GLI2: variants seen among roughly 807,000 people sequenced by gnomAD.
The protein encoded by GLI2 is GLI family zinc finger 2, also known as transcription activator GLI2.
In GLI2, 22 loss-of-function variants were observed where a neutral mutation model predicts 78.9. The observed-to-expected ratio is 0.28, with a 90% CI of 0.20 to 0.40. The LOEUF is 0.40. Ranked by LOEUF, GLI2 falls within the 10% of genes least tolerant of loss-of-function variation. The probability of loss-of-function intolerance (pLI) is 1.00; values close to 1 mark genes in which losing one functional copy is unlikely to be tolerated. For synonymous variants in GLI2, 974 were observed against 963.7 expected, an observed-to-expected ratio of 1.01 and a Z score of -0.20; for missense variants, 2,097 against 2,213.2, an observed-to-expected ratio of 0.95 and a Z score of 1.05.
chr2:120,826,098 G>GAC (rs1686044379), intron 2 of GLI2, among the ~76,000 whole-genome samples: 1 of 151,418 alleles, frequency 6.6e-6, no homozygotes, highest in African/African-American at 2.4e-5. Context: ...TCTGTCCAGA[G>GAC]ACAGCTGCGA....
At chr2:120,880,451 G>A (rs1677061285) in intron 2 of GLI2, among the ~76,000 whole-genome samples, 1 of 152,028 alleles carries the variant, frequency 6.6e-6, no homozygotes, top group Non-Finnish European at 1.5e-5. Context: ...CCATCACCCC[G>A]CCATCCTCCT....
chr2:120,958,466 T>C (rs1681384553), intron 5 of GLI2, among the ~76,000 whole-genome samples: 1 of 152,068 alleles, frequency 6.6e-6, no homozygotes. Flanking sequence ...AAGAGTGGCG[T>C]GTCACCCCTC....
chr2:120,925,830 T>C (rs1416062011), intron 2 of GLI2, among the ~76,000 whole-genome samples: 2 of 152,012 alleles, frequency 1.3e-5, no homozygotes, highest in African/African-American at 4.8e-5. Flanking sequence ...CCCAGCACTT[T>C]GGGAGGCCGA....
chr2:120,792,689 C>A (rs910976830), intron 1 of GLI2, among the ~76,000 whole-genome samples: 2 of 152,206 alleles, frequency 1.3e-5, no homozygotes, highest in South Asian at 2.1e-4. Flanking sequence ...GTGGCGCGGT[C>A]TTGCCTCACT....
intron 3 of GLI2, among the ~76,000 whole-genome samples, chr2:120,931,077 T>C (rs1431185912): frequency 1.3e-5 from 2 of 152,246 alleles, no homozygotes; most frequent in Non-Finnish European, 2.9e-5. Flanking sequence ...AAGGCTGCTG[T>C]AACTAATTAC....
intron 2 of GLI2, among the ~76,000 whole-genome samples, chr2:120,814,944 CCT>C (rs1685425810): frequency 6.6e-6 from 1 of 152,054 alleles, no homozygotes; most frequent in Non-Finnish European, 1.5e-5. Context: ...CTGGAGATCC[CCT>C]GAGTGTATCC....
intron 2 of GLI2, among the ~76,000 whole-genome samples, chr2:120,830,441 G>T (rs948472483): frequency 1.2e-4 from 19 of 152,328 alleles, no homozygotes; most frequent in African/African-American, 4.3e-4. Context: ...TGTGTGTGTG[G>T]GTTTTTGTTC....
chr2:120,983,779 C>A (rs1295387853), intron 11 of GLI2, among the ~76,000 whole-genome samples: 1 of 152,190 alleles, frequency 6.6e-6, no homozygotes, highest in Non-Finnish European at 1.5e-5. Flanking sequence ...ATCCTGGACC[C>A]CAAAGGGACT....
At chr2:120,790,178 T>A (rs79617063) in intron 1 of GLI2, among the ~76,000 whole-genome samples, 1 of 152,148 alleles carries the variant, frequency 6.6e-6, no homozygotes, top group African/African-American at 2.4e-5. Flanking sequence ...CACAGCCTAC[T>A]GGGTACCAGG....
Position 120,882,374 on chromosome 2 carries a change from C to T in GLI2, c.149-44987C>T, listed in dbSNP as rs376434661. 1.3e-4 allele frequency among the ~76,000 whole-genome samples: 20 copies of T among 152,336 alleles called. No individual in the cohort carries two copies. In the East Asian group the frequency reaches 3.9e-3, roughly 29 times the overall value. The stretch of plus-strand genomic sequence containing the variant: ...TGGGCTGGAGGGCGCCCGCTGCAGG[C>T]GTCAGCTGCTGCCGGCTGCGGGATG... On this transcript the variant is annotated intron_variant, in intron 2 of 13. Coordinates refer to ENST00000361492, the MANE Select transcript of GLI2 (RefSeq NM_001374353.1).
intron 2 of GLI2, among the ~76,000 whole-genome samples, chr2:120,876,063 C>T (rs113140746): frequency 0.13 from 20,188 of 152,142 alleles, 1,549 homozygotes; most frequent in Middle Eastern, 0.25. Context: ...AAATGCAGGC[C>T]GGGTGCGGTG....
chr2:120,860,480 CT>C (rs1687854847), intron 2 of GLI2, among the ~76,000 whole-genome samples: 2 of 152,214 alleles, frequency 1.3e-5, no homozygotes, highest in Non-Finnish European at 2.9e-5. Context: ...AGAGGGCCCC[CT>C]GGGACTTGGC....
At chr2:120,753,254 C>G (rs1008803184) in intron 1 of GLI2, among the ~76,000 whole-genome samples, 5 of 152,062 alleles carry the variant, frequency 3.3e-5, no homozygotes, top group African/African-American at 9.7e-5. Flanking sequence ...CGCCACCACG[C>G]CCAGCTAATT....
chr2:120,819,260 G>A (rs1198108221), intron 2 of GLI2, among the ~76,000 whole-genome samples: 1 of 21,512 alleles, frequency 4.6e-5, no homozygotes, highest in African/African-American at 1.7e-4. Flanking sequence ...TTTTTTTTTT[G>A]AGATGGAGTC....
intron 1 of GLI2, among the ~76,000 whole-genome samples, chr2:120,761,363 C>T (rs1039424353): frequency 6.6e-6 from 1 of 152,072 alleles, no homozygotes; most frequent in African/African-American, 2.4e-5. Flanking sequence ...GGATTCCCAC[C>T]GCCCAGCCCA....
At chr2:120,901,428 T>C (rs1221060650) in intron 2 of GLI2, among the ~76,000 whole-genome samples, 1 of 152,216 alleles carries the variant, frequency 6.6e-6, no homozygotes, top group Non-Finnish European at 1.5e-5. Context: ...CCCATCTGTT[T>C]GGCCGGCCCA....
chr2:120,951,506 C>A, intron 4 of GLI2, 61 bp downstream of exon 4: 1 of 1,065,842 alleles, frequency 9.4e-7, no homozygotes, highest in Non-Finnish European at 1.4e-6. Context: ...CGCAGCCAGC[C>A]TCTCTCACGC....
chr2:120,815,037 T>C (rs1685429646), intron 2 of GLI2, among the ~76,000 whole-genome samples: 1 of 152,122 alleles, frequency 6.6e-6, no homozygotes, highest in Non-Finnish European at 1.5e-5. Flanking sequence ...GAGAGGTCGA[T>C]GGTTCTCCCA....
intron 2 of GLI2, among the ~76,000 whole-genome samples, chr2:120,804,916 CTCT>C (rs1684872043): frequency 6.6e-6 from 1 of 152,200 alleles, no homozygotes; most frequent in Non-Finnish European, 1.5e-5. Context: ...CAGATCTGGG[CTCT>C]TCTTACCCTC....
Sources: gnomAD v4.1 joint callset for allele counts (sites outside exome capture counted in the v4.1 genomes callset) on GRCh38, gnomAD v4.1.1 for gene constraint, MANE v1.5 for transcripts, NCBI Gene and HGNC (gene_info 2026-07-23, HGNC 2026-07-21) for gene names.